The following PHLPP1 variants were observed in gnomAD, a reference collection of about 807,000 sequenced individuals.
The protein encoded by PHLPP1 is PH domain and leucine rich repeat protein phosphatase 1, also known as PH domain leucine-rich repeat-containing protein phosphatase 1.
A neutral mutation model predicts 117.2 loss-of-function variants in PHLPP1; 42 were observed. The ratio of observed to expected loss-of-function variants is 0.36; its 90% CI spans 0.28 to 0.46. The LOEUF (loss-of-function observed/expected upper bound fraction) is 0.46, where lower values mean the gene tolerates loss of function less well. Among genes scored for constraint, PHLPP1 ranks in the 20% least tolerant of loss-of-function variants. The probability of loss-of-function intolerance (pLI) is 1.00; values close to 1 mark genes in which losing one functional copy is unlikely to be tolerated. For missense variants in PHLPP1, 2,084 were observed against 2,241.9 expected, an observed-to-expected ratio of 0.93 and a Z score of 1.42; for synonymous variants, 1,042 against 970.7, an observed-to-expected ratio of 1.07 and a Z score of -1.37.
chr18:62,742,835 G>A (rs1911570581), intron 1 of PHLPP1, among the ~76,000 whole-genome samples: 1 of 152,062 alleles, frequency 6.6e-6, no homozygotes, highest in Non-Finnish European at 1.5e-5. Flanking sequence ...ACCTCTTATT[G>A]AATGAGTATA....
Position 62,975,641 on chromosome 18 carries a change from T to G in PHLPP1, c.3984+16T>G. On this transcript the variant is annotated intron_variant, in intron 16 of 16. Transcript: ENST00000262719. ...TATCACTGAGGTGAGAAAACAGGGGTGTTGCCCAGGATGGTGGAGAGGAGA... is the reference window on the plus strand; with the variant it reads ...TATCACTGAGGTGAGAAAACAGGGGGGTTGCCCAGGATGGTGGAGAGGAGA... 3 of 1,547,750 alleles carry G rather than the reference T, an allele frequency of 1.9e-6. No individual in the cohort carries two copies. Among genetic ancestry groups the G allele is most frequent in the Non-Finnish European group, 2.7e-6 (3 of 1,119,830 alleles).
chr18:62,923,699 C>CT (rs1450609595), intron 10 of PHLPP1, among the ~76,000 whole-genome samples: 5 of 151,814 alleles, frequency 3.3e-5, no homozygotes, highest in South Asian at 2.1e-4. Context: ...AATTTTATTA[C>CT]TTTTTTTTAT....
At chr18:62,972,937 G>T (rs1368958329) in intron 15 of PHLPP1, among the ~76,000 whole-genome samples, 1 of 152,216 alleles carries the variant, frequency 6.6e-6, no homozygotes, top group Non-Finnish European at 1.5e-5. Flanking sequence ...CAATGACAAG[G>T]AATTAGTTTC....
chr18:62,862,119 G>T (rs551481321), intron 4 of PHLPP1, among the ~76,000 whole-genome samples: 4 of 147,642 alleles, frequency 2.7e-5, no homozygotes, highest in African/African-American at 1.0e-4. Context: ...TCACTCTGTC[G>T]CCCAGGCTAG....
chr18:62,951,839 C>T (rs1395410196), intron 12 of PHLPP1, among the ~76,000 whole-genome samples: 4 of 123,978 alleles, frequency 3.2e-5, no homozygotes, highest in East Asian at 2.3e-4. Context: ...TTTTTTGAGA[C>T]GGAGTCTTGC....
chr18:62,834,572 T>C (rs1914840196), intron 2 of PHLPP1, among the ~76,000 whole-genome samples: 1 of 152,204 alleles, frequency 6.6e-6, no homozygotes, highest in Non-Finnish European at 1.5e-5. Flanking sequence ...ACATCTACTT[T>C]CGCAAGATGA....
chr18:62,756,588 C>T (rs934617264), intron 1 of PHLPP1, among the ~76,000 whole-genome samples: 30 of 152,188 alleles, frequency 2.0e-4, no homozygotes, highest in Admixed American at 1.8e-3. Flanking sequence ...GCGGTTTGCT[C>T]TCAGGCAGGC....
rs565357186 is a variant in PHLPP1 at position 62,830,327 on chromosome 18, G to T, written c.1773+96G>T. On this transcript the variant is annotated intron_variant, in intron 2 of 16. Coordinates refer to ENST00000262719, the MANE Select transcript of PHLPP1 (RefSeq NM_194449.4). ...GTGGTCTCAACTCACTGCAACCTCT[G>T]CCTCCTGAGTTCAAGCGATTCTCCT... 7.2e-6 allele frequency: 7 copies of T among 966,072 alleles called. No individual in the cohort carries two copies. The East Asian group carries it at 1.6e-4, about 23-fold the overall frequency. 59.8% of individuals were successfully genotyped at this position (966,072 alleles called of 1,614,324 possible).
chr18:62,772,846 A>G (rs1389101581), intron 1 of PHLPP1, among the ~76,000 whole-genome samples: 1 of 151,774 alleles, frequency 6.6e-6, no homozygotes, highest in Non-Finnish European at 1.5e-5. Context: ...AAAAAAAAAA[A>G]AAAGATTTTC....
chr18:62,778,108 A>T (rs1913015173), intron 1 of PHLPP1, among the ~76,000 whole-genome samples: 1 of 152,234 alleles, frequency 6.6e-6, no homozygotes. Flanking sequence ...TGGAGGACTT[A>T]GCCATAACTT....
intron 4 of PHLPP1, among the ~76,000 whole-genome samples, chr18:62,862,148 C>T (rs1292043589): frequency 6.6e-6 from 1 of 151,134 alleles, no homozygotes; most frequent in Non-Finnish European, 1.5e-5. Flanking sequence ...GGCACAATCT[C>T]GGCTCACTGC....
intron 10 of PHLPP1, among the ~76,000 whole-genome samples, chr18:62,932,382 C>A (rs1431934352): frequency 6.6e-6 from 1 of 152,120 alleles, no homozygotes; most frequent in Non-Finnish European, 1.5e-5. Flanking sequence ...AATAAGTAGC[C>A]AGCTGAATTC....
intron 3 of PHLPP1, among the ~76,000 whole-genome samples, chr18:62,851,449 A>G (rs1273098573): frequency 1.3e-5 from 2 of 152,116 alleles, no homozygotes; most frequent in African/African-American, 4.8e-5. Flanking sequence ...TCAACAGAAT[A>G]CCATCTCTCA....
intron 9 of PHLPP1, among the ~76,000 whole-genome samples, chr18:62,918,983 T>C (rs901262593): frequency 1.3e-5 from 2 of 152,194 alleles, no homozygotes; most frequent in African/African-American, 4.8e-5. Flanking sequence ...TAATTAAAAA[T>C]TAACTTTAAA....
chr18:62,858,712 A>G (rs1223434770), intron 3 of PHLPP1, among the ~76,000 whole-genome samples: 1 of 152,136 alleles, frequency 6.6e-6, no homozygotes, highest in African/African-American at 2.4e-5. Flanking sequence ...GAGAGGATCA[A>G]CCTAGCCTAG....
intron 3 of PHLPP1, among the ~76,000 whole-genome samples, chr18:62,860,023 C>A (rs1568140969): frequency 6.6e-6 from 1 of 152,168 alleles, no homozygotes; most frequent in Non-Finnish European, 1.5e-5. Context: ...TTACACAAAC[C>A]TAGATGGTGT....
Position 62,715,825 on chromosome 18 carries a change from G to T in PHLPP1, c.142G>T (p.Gly48Cys). 3 of 755,698 alleles carry T rather than the reference G, an allele frequency of 4.0e-6. 1 individual carries two copies. In the South Asian group the frequency reaches 1.7e-4, roughly 43 times the overall value. The allele number at this position is 755,698 out of a possible 1,614,324, so 46.8% of individuals were successfully genotyped here. ...GGCTCTGGCGGCGGCGGCCGGGGGC[G>T]GCCGGAGTCCGGAGCCCGCGCTGAC... ...AAALAAAAGG[G>C]RSPEPALTPA... Residue 48 changes from glycine to cysteine, a missense_variant, in exon 1 of 17, where the codon GGC becomes TGC. Around this residue, in one of 2 missense-constraint regions of PHLPP1, gnomAD observed 719 missense variants for 636.0 expected, o/e 1.13. Coordinates refer to ENST00000262719, the MANE Select transcript of PHLPP1 (RefSeq NM_194449.4).
intron 2 of PHLPP1, among the ~76,000 whole-genome samples, chr18:62,836,486 A>G (rs374128494): frequency 2.6e-5 from 3 of 117,130 alleles, no homozygotes; most frequent in Non-Finnish European, 5.5e-5. Flanking sequence ...TAAATAAATA[A>G]AAATAAATTA....
intron 10 of PHLPP1, among the ~76,000 whole-genome samples, chr18:62,924,389 G>A (rs1377041188): frequency 6.6e-6 from 1 of 152,110 alleles, no homozygotes; most frequent in Non-Finnish European, 1.5e-5. Flanking sequence ...AGTAGAACTT[G>A]CACTACCAAG....
Sources: allele counts gnomAD v4.1 joint callset (sites outside exome capture counted in the v4.1 genomes callset), GRCh38; gene constraint gnomAD v4.1.1; regional missense constraint gnomAD v4.1.1; transcripts MANE v1.5; gene names NCBI Gene and HGNC (gene_info 2026-07-23, HGNC 2026-07-21).